PEX11G: variants seen among roughly 807,000 people sequenced by gnomAD.
The protein encoded by PEX11G is peroxisomal membrane protein 11C.
In PEX11G, 20 loss-of-function variants were observed where a neutral mutation model predicts 22.5. That is an observed-to-expected ratio of 0.89 (90% CI 0.62 to 1.29). The LOEUF (loss-of-function observed/expected upper bound fraction) is 1.29, where lower values mean the gene tolerates loss of function less well. Among genes scored for constraint, PEX11G ranks in the 50% most tolerant of loss-of-function variants. The pLI, the probability that PEX11G is intolerant of heterozygous loss-of-function variation, is 0.00. For synonymous variants in PEX11G, 141 were observed against 154.5 expected (o/e 0.91, Z 0.65); for missense variants, 347 against 331.3 (o/e 1.05, Z -0.37).
intron 4 of PEX11G, among the ~76,000 whole-genome samples, chr19:7,477,768 G>T (rs950849153): frequency 6.6e-6 from 1 of 152,360 alleles, no homozygotes; most frequent in Non-Finnish European, 1.5e-5. Context: ...ACCCCCAGGA[G>T]CGTGGCCTGT....
At chr19:7,479,209 C>G (rs149742968) in intron 3 of PEX11G, among the ~76,000 whole-genome samples, 1 of 152,306 alleles carries the variant, frequency 6.6e-6, no homozygotes, top group African/African-American at 2.4e-5. Context: ...CTGGGCCAAG[C>G]GCGATGGCTC....
intron 1 of PEX11G, among the ~76,000 whole-genome samples, chr19:7,494,356 C>A (rs1314652332): frequency 1.3e-5 from 2 of 152,128 alleles, no homozygotes. Context: ...CACGCCACTG[C>A]ACTCCAGCCT....
intron 1 of PEX11G, among the ~76,000 whole-genome samples, chr19:7,494,367 G>A (rs2021940906): frequency 6.6e-6 from 1 of 152,126 alleles, no homozygotes; most frequent in Non-Finnish European, 1.5e-5. Flanking sequence ...ACTCCAGCCT[G>A]GGCGTCAGCA....
Position 7,478,326 on chromosome 19 carries a change from G to C in PEX11G, c.479C>G (p.Ala160Gly), listed in dbSNP as rs773352067. Residue 160 changes from alanine (A) to glycine (G), a missense_variant, in exon 4 of 5, where the codon GCG becomes GGG. Ala to Gly is a moderately conservative substitution (Grantham distance 60). Transcript: ENST00000221480. ...KLRQRLRSPT[A>G]PFTSPLPRGK... ...CACGGGCTCCTACCTGGTGAAGGGC[G>C]CCGTGGGGCTCCGCAGCCTCTGTCT... 1 of 1,610,890 alleles carries C rather than the reference G, an allele frequency of 6.2e-7. No homozygotes were observed. Among genetic ancestry groups the C allele is most frequent in the Middle Eastern group, 1.9e-4 (1 of 5,388 alleles).
At chr19:7,491,663 T>G (rs368028101), upstream of PEX11G, among the ~76,000 whole-genome samples, 53 of 152,166 alleles carry the variant, frequency 3.5e-4, no homozygotes, top group East Asian at 6.6e-3. Flanking sequence ...GTTTTTGCTT[T>G]TTGTTTTTGA....
At chr19:7,480,681 G>A (rs1174814982) in intron 3 of PEX11G, among the ~76,000 whole-genome samples, 2 of 152,126 alleles carry the variant, frequency 1.3e-5, no homozygotes, top group African/African-American at 2.4e-5. Flanking sequence ...TGTGCCGGGG[G>A]GAAAACAAGA....
upstream of PEX11G, chr19:7,489,568 A>G: frequency 1.1e-6 from 1 of 900,536 alleles, no homozygotes; most frequent in Non-Finnish European, 1.3e-6. Context: ...TAGTACATGC[A>G]CATGTTGGAC....
chr19:7,489,211 G>C, upstream of PEX11G: 1 of 1,145,312 alleles, frequency 8.7e-7, no homozygotes, highest in Non-Finnish European at 1.1e-6. Context: ...CAGGCCTGCA[G>C]ACCCTGGATC....
At chr19:7,478,566 G>A (rs1477540841) in intron 3 of PEX11G, among the ~76,000 whole-genome samples, 190 bp from the exon 4 acceptor site, 3 of 152,282 alleles carry the variant, frequency 2.0e-5, no homozygotes, top group Non-Finnish European at 2.9e-5. Flanking sequence ...TCTCTAACAC[G>A]GCCCCGTCCC....
chr19:7,489,861 T>C (rs1345466500), upstream of PEX11G, among the ~76,000 whole-genome samples: 2 of 150,900 alleles, frequency 1.3e-5, no homozygotes, highest in African/African-American at 2.5e-5. Context: ...CTTTTTTTTT[T>C]TTTTCTTTTT....
intron 4 of PEX11G, 57 bp downstream of exon 4, chr19:7,478,257 G>C: frequency 6.4e-7 from 1 of 1,572,090 alleles, no homozygotes; most frequent in Non-Finnish European, 8.6e-7. Flanking sequence ...TGCGAGCCGG[G>C]ATCCCACGCC....
chr19:7,485,966 C>A lies in PEX11G; in HGVS notation c.121G>T (p.Ala41Ser), dbSNP rs985186213. 6.2e-7 allele frequency: 1 copy of A among 1,610,186 alleles called. No individual in the cohort carries two copies. Among genetic ancestry groups the A allele is most frequent in the East Asian group, 2.2e-5 (1 of 44,732 alleles). The change falls in exon 2 of 5, where the codon GCC (alanine) becomes TCC (serine). Residue 41 changes from alanine (A) to serine (S), a missense_variant. Ala to Ser is a moderately conservative substitution (Grantham distance 99). Coordinates refer to ENST00000221480, the MANE Select transcript of PEX11G (RefSeq NM_080662.4). ...VGGVLVEQCPARSEVGTRLLV... is the reference protein window; with the variant it reads ...VGGVLVEQCPSRSEVGTRLLV... ...AGACGTGTCCCCACTTCGGACCTGGCGGGACACTGTTCAACCAGAACTCCA... is the reference window on the plus strand; with the variant it reads ...AGACGTGTCCCCACTTCGGACCTGGAGGGACACTGTTCAACCAGAACTCCA...
upstream of PEX11G, among the ~76,000 whole-genome samples, chr19:7,491,627 T>C (rs2021892565): frequency 6.6e-6 from 1 of 152,002 alleles, no homozygotes; most frequent in South Asian, 2.1e-4. Context: ...GTCGGCCTCT[T>C]CCACCAAGCA....
At chr19:7,489,178 G>T, upstream of PEX11G, 1 of 756,344 alleles carries the variant, frequency 1.3e-6, no homozygotes, top group Non-Finnish European at 1.6e-6. Context: ...TTGCAGAGGT[G>T]GGGCCGACAC....
chr19:7,482,182 G>T lies in PEX11G; in HGVS notation c.279C>A (p.Ser93=). 1.9e-6 allele frequency: 3 copies of T among 1,581,968 alleles called. No individual in the cohort carries two copies. The highest frequency in any genetic ancestry group is 2.6e-6 in the Non-Finnish European group (3 of 1,164,836). Residue 93 remains serine (S), a synonymous_variant, in exon 3 of 5, where the codon TCC becomes TCA. Transcript: ENST00000221480. The part of the protein sequence containing the change: ...QEEDAFVRCV[S]VLGNLADQLY... ...GCTGGTCAGCCAGGTTCCCTAGGAC[G>T]GAGACACAGCGGACAAAGGCGTCCT...
At chr19:7,494,561 G>C (rs1443736049) in intron 1 of PEX11G, among the ~76,000 whole-genome samples, 1 of 152,154 alleles carries the variant, frequency 6.6e-6, no homozygotes, top group South Asian at 2.1e-4. Flanking sequence ...GCCGGGTCCC[G>C]CTCTAGGCAA....
At chr19:7,488,397 G>C (rs777718601) in intron 1 of PEX11G, among the ~76,000 whole-genome samples, 2 of 152,332 alleles carry the variant, frequency 1.3e-5, no homozygotes, top group East Asian at 3.9e-4. Flanking sequence ...CCCAACACGA[G>C]ATTGTTCAGG....
intron 1 of PEX11G, among the ~76,000 whole-genome samples, chr19:7,494,387 T>C (rs1599230152): frequency 6.6e-6 from 1 of 151,780 alleles, no homozygotes; most frequent in Non-Finnish European, 1.5e-5. Context: ...AAGACCCATC[T>C]CTAAAAAAGT....
chr19:7,483,991 TTAAA>T (rs138011852), intron 2 of PEX11G, among the ~76,000 whole-genome samples: 19,799 of 152,142 alleles, frequency 0.13, 1,547 homozygotes, highest in Non-Finnish European at 0.19. Context: ...CAGAGGCCAA[TTAAA>T]TAAATCCGAA....
Sources: gnomAD v4.1 joint callset for allele counts (sites outside exome capture counted in the v4.1 genomes callset) on GRCh38, gnomAD v4.1.1 for gene constraint, MANE v1.5 for transcripts, NCBI Gene and HGNC (gene_info 2026-07-23, HGNC 2026-07-21) for gene names.